Variants in PTPRR observed in about 807,000 individuals in gnomAD.
The protein encoded by PTPRR is protein tyrosine phosphatase receptor type R.
PTPRR carries 38 observed loss-of-function variants against 77.2 expected under a neutral mutation model. That is an observed-to-expected ratio of 0.49 (90% confidence interval 0.38 to 0.65). The LOEUF (loss-of-function observed/expected upper bound fraction) is 0.65. Ranked by LOEUF, PTPRR falls within the 30% of genes least tolerant of loss-of-function variation. The probability of loss-of-function intolerance (pLI) is 0.00; values close to 1 mark genes in which losing one functional copy is unlikely to be tolerated. For synonymous variants in PTPRR, 299 were observed against 283.1 expected, an observed-to-expected ratio of 1.06 and a Z score of -0.57; for missense variants, 744 against 799.2, an observed-to-expected ratio of 0.93 and a Z score of 0.83.
chr12:70,861,899 G>A lies in PTPRR; in HGVS notation c.357+30780C>T, dbSNP rs142801253. Among the ~76,000 whole-genome samples the A allele has an allele frequency of 1.4e-4, 21 of 152,264 alleles. No individual in the cohort carries two copies. The East Asian group carries it at 1.7e-3, about 13-fold the overall frequency. On this transcript the variant is annotated intron_variant, in intron 2 of 13. Transcript: ENST00000283228. ...ACAGTTTGGATTTCAAAACCAGACT[G>A]TAAACTTGAGTTCAGAAATGGAGCA...
At chr12:70,708,833 C>A (rs573569665) in intron 6 of PTPRR, among the ~76,000 whole-genome samples, 3 of 151,944 alleles carry the variant, frequency 2.0e-5, no homozygotes, top group South Asian at 4.1e-4. Context: ...CACACACACA[C>A]ACACACACAC....
At chr12:70,881,958 C>A (rs560274386) in intron 2 of PTPRR, among the ~76,000 whole-genome samples, 1 of 152,276 alleles carries the variant, frequency 6.6e-6, no homozygotes, top group South Asian at 2.1e-4. Context: ...TTTGTTTTCT[C>A]TTCTAAAGTA....
intron 2 of PTPRR, chr12:70,788,996 G>T: frequency 1.2e-6 from 1 of 839,436 alleles, no homozygotes; most frequent in Non-Finnish European, 1.7e-6. Flanking sequence ...GAGACACTGC[G>T]GATCCCAGGT....
chr12:70,883,048 A>G (rs1893175782), intron 2 of PTPRR, among the ~76,000 whole-genome samples: 3 of 152,090 alleles, frequency 2.0e-5, no homozygotes, highest in Admixed American at 1.3e-4. Flanking sequence ...TGAGGCTGGT[A>G]GCAGGAGTTT....
intron 6 of PTPRR, among the ~76,000 whole-genome samples, chr12:70,733,480 A>AAAAAAAAAAAAAAAAAAAAAAAAAT (rs1565672451): frequency 1.2e-5 from 1 of 85,808 alleles, no homozygotes; most frequent in Non-Finnish European, 2.1e-5. Context: ...CAAAAAAAAA[A>AAAAAAAAAAAAAAAAAAAAAAAAAT]AGAAAAAAAA....
chr12:70,775,304 C>T, intron 2 of PTPRR, among the ~76,000 whole-genome samples: 1 of 152,282 alleles, frequency 6.6e-6, no homozygotes, highest in South Asian at 2.1e-4. Flanking sequence ...TGTTCCCCTC[C>T]ACAAAGGAAA....
chr12:70,696,741 T>C (rs1888246376), intron 8 of PTPRR, among the ~76,000 whole-genome samples: 1 of 152,110 alleles, frequency 6.6e-6, no homozygotes, highest in African/African-American at 2.4e-5. Context: ...AGCCCCAAAA[T>C]AAATACAGGT....
At chr12:70,800,163 A>G (rs1440402499) in intron 2 of PTPRR, among the ~76,000 whole-genome samples, 1 of 152,156 alleles carries the variant, frequency 6.6e-6, no homozygotes, top group Non-Finnish European at 1.5e-5. Flanking sequence ...AAGAATAGGC[A>G]TACTAAAACA....
chr12:70,740,723 T>C (rs960983460), intron 6 of PTPRR, among the ~76,000 whole-genome samples: 1 of 152,304 alleles, frequency 6.6e-6, no homozygotes, highest in East Asian at 1.9e-4. Flanking sequence ...GAAATTTATA[T>C]GACATGATCC....
At chr12:70,694,792 C>A (rs1888174045) in intron 8 of PTPRR, among the ~76,000 whole-genome samples, 1 of 151,940 alleles carries the variant, frequency 6.6e-6, no homozygotes, top group Non-Finnish European at 1.5e-5. Flanking sequence ...GCACAGGTAC[C>A]CCCTGAATCT....
chr12:70,677,290 T>G (rs141393095), intron 10 of PTPRR, among the ~76,000 whole-genome samples: 1 of 152,284 alleles, frequency 6.6e-6, no homozygotes, highest in Admixed American at 6.5e-5. Context: ...TTTACTAAAT[T>G]TGTCTATTAG....
At chr12:70,671,980 T>C in intron 10 of PTPRR, 1 of 1,292,408 alleles carries the variant, frequency 7.7e-7, no homozygotes, top group Admixed American at 1.7e-5. Flanking sequence ...AGTGGCCCTT[T>C]CAACCCTCCA....
At chr12:70,692,718 C>T (rs955955331) in intron 8 of PTPRR, among the ~76,000 whole-genome samples, 6 of 152,158 alleles carry the variant, frequency 3.9e-5, no homozygotes, top group African/African-American at 1.4e-4. Context: ...CCTCATTACT[C>T]AGGGCTCAAT....
At position 70,908,748 on chromosome 12, in the gene PTPRR, G is replaced by C. The variant is rs964590185; in HGVS notation, c.58+11585C>G. On this transcript the variant is annotated intron_variant, in intron 1 of 13. Transcript: ENST00000283228. ...CTCCCTTGCCTGTGTTTTGGGATTT[G>C]AGGGGCACTTGGTAGACCCTTTCAA... Among the ~76,000 whole-genome samples, 4 of 152,184 alleles carry C rather than the reference G, an allele frequency of 2.6e-5. No individual in the cohort carries two copies. In the South Asian group the frequency reaches 6.2e-4, roughly 24 times the overall value.
chr12:70,643,617 A>T (rs985704988), intron 13 of PTPRR, among the ~76,000 whole-genome samples: 1 of 152,226 alleles, frequency 6.6e-6, no homozygotes, highest in Non-Finnish European at 1.5e-5. Context: ...CTCTATAGTT[A>T]TTCATCCTCA....
intron 2 of PTPRR, among the ~76,000 whole-genome samples, chr12:70,819,305 A>AAAAC (rs755127558): frequency 2.0e-5 from 3 of 152,210 alleles, no homozygotes; most frequent in Admixed American, 6.5e-5. Context: ...ACTCTGTCTC[A>AAAAC]AAACAAACAA....
At chr12:70,780,552 T>C (rs1309547089) in intron 2 of PTPRR, among the ~76,000 whole-genome samples, 2 of 152,102 alleles carry the variant, frequency 1.3e-5, no homozygotes, top group Non-Finnish European at 2.9e-5. Context: ...TAGTGTTAGT[T>C]TTTTTCCTGA....
intron 10 of PTPRR, among the ~76,000 whole-genome samples, chr12:70,680,838 A>G (rs533638330): frequency 4.6e-5 from 7 of 152,150 alleles, no homozygotes; most frequent in Non-Finnish European, 7.3e-5. Context: ...GGGCATCCTT[A>G]GAAGTAGTGC....
At chr12:70,914,722 T>C (rs1413419024) in intron 1 of PTPRR, among the ~76,000 whole-genome samples, 3 of 152,042 alleles carry the variant, frequency 2.0e-5, no homozygotes, top group African/African-American at 4.8e-5. Context: ...CTCTCTGAGG[T>C]TGAGGCAGGA....
Sources: gnomAD v4.1 joint callset for allele counts (sites outside exome capture counted in the v4.1 genomes callset) on GRCh38, gnomAD v4.1.1 for gene constraint, MANE v1.5 for transcripts, NCBI Gene and HGNC (gene_info 2026-07-23, HGNC 2026-07-21) for gene names.